Variants in PDE1A observed in about 807,000 individuals in gnomAD.
PDE1A encodes the protein dual specificity calcium/calmodulin-dependent 3',5'-cyclic nucleotide phosphodiesterase 1A.
A neutral mutation model predicts 61.7 loss-of-function variants in PDE1A; 35 were observed. The observed-to-expected ratio is 0.57, with a 90% CI of 0.43 to 0.75. PDE1A has a LOEUF of 0.75. PDE1A is among the 30% of genes least tolerant of loss of function. The pLI is 0.00. For missense variants in PDE1A, 597 were observed against 630.6 expected, an observed-to-expected ratio of 0.95 and a Z score of 0.57; for synonymous variants, 232 against 213.2, an observed-to-expected ratio of 1.09 and a Z score of -0.77.
chr2:182,224,075 T>C lies in PDE1A; in HGVS notation c.676-111A>G, dbSNP rs1423730133. On this transcript the variant is annotated intron_variant, in intron 6 of 13. Transcript: ENST00000351439. ...TTTATGTAATCATATAAAATTATTT[T>C]TCATTTCTTTTAATTTGTTTCCTAT... The C allele has an allele frequency of 4.5e-6, 3 of 661,182 alleles. No individual in the cohort carries two copies. The African/African-American group carries it at 5.8e-5, about 13-fold the overall frequency. The allele number at this position is 661,182 out of a possible 1,614,324, so 41.0% of individuals were successfully genotyped here.
chr2:182,160,820 C>A (rs1691339424), intron 13 of PDE1A, among the ~76,000 whole-genome samples: 1 of 152,102 alleles, frequency 6.6e-6, no homozygotes, highest in Non-Finnish European at 1.5e-5. Flanking sequence ...CCTGGAGAAC[C>A]CTAATACAGA....
At chr2:182,336,475 G>A (rs1366018873) in intron 1 of PDE1A, among the ~76,000 whole-genome samples, 1 of 152,116 alleles carries the variant, frequency 6.6e-6, no homozygotes, top group African/African-American at 2.4e-5. Flanking sequence ...GCAGGGACAT[G>A]GATGAAGCTG....
the PDE1A span, among the ~76,000 whole-genome samples, chr2:182,577,585 A>G: frequency 6.6e-6 from 1 of 152,314 alleles, no homozygotes; most frequent in East Asian, 1.9e-4. Flanking sequence ...CAAACATGAT[A>G]ATCAGGGAAT....
At chr2:182,319,803 T>C (rs1696584673) in intron 1 of PDE1A, among the ~76,000 whole-genome samples, 1 of 152,194 alleles carries the variant, frequency 6.6e-6, no homozygotes, top group Admixed American at 6.5e-5. Context: ...ATAAAGATGA[T>C]ACACATTATT....
intron 5 of PDE1A, among the ~76,000 whole-genome samples, chr2:182,230,591 AG>A (rs1689502985): frequency 6.6e-6 from 1 of 152,210 alleles, no homozygotes; most frequent in Non-Finnish European, 1.5e-5. Flanking sequence ...TCTGCTCAGT[AG>A]TCTGTATCAA....
intron 1 of PDE1A, among the ~76,000 whole-genome samples, chr2:182,333,104 G>T (rs1035387937): frequency 6.6e-6 from 1 of 152,114 alleles, no homozygotes; most frequent in East Asian, 1.9e-4. Context: ...CATACAAAGA[G>T]ATGTAAACTC....
rs1039427830 is a variant in PDE1A, at chr2:182,220,922, C to T, written c.776+2942G>A. On this transcript the variant is annotated intron_variant, in intron 7 of 13. Coordinates refer to ENST00000351439, the Ensembl canonical transcript of PDE1A. ...TTATATTGTTGCATTTTGGTCATTA[C>T]AACATTTTGGTTCATGGAATTTTCA... is the stretch of plus-strand genomic sequence containing the variant. Among the ~76,000 whole-genome samples the T allele has an allele frequency of 1.9e-4, 29 of 151,966 alleles. 1 individual carries two copies. The highest frequency in any genetic ancestry group is 6.8e-4 in the African/African-American group (28 of 41,390).
exon 14 of PDE1A, chr2:182,168,220 C>A: frequency 1.9e-6 from 3 of 1,570,738 alleles, no homozygotes; most frequent in African/African-American, 1.4e-5. Flanking sequence ...GAGCTGCCAC[C>A]ATGCACGAGG....
chr2:182,691,930 T>C, the PDE1A span, among the ~76,000 whole-genome samples: 1 of 151,982 alleles, frequency 6.6e-6, no homozygotes, highest in African/African-American at 2.4e-5. Flanking sequence ...AAAATGCTCA[T>C]CATCACTGGC....
the PDE1A span, among the ~76,000 whole-genome samples, chr2:182,711,317 T>A: frequency 6.6e-6 from 1 of 152,140 alleles, no homozygotes; most frequent in African/African-American, 2.4e-5. Context: ...CATTCAGTGA[T>A]AACGAGAACC....
chr2:182,304,752 C>A (rs1046571558), intron 1 of PDE1A, among the ~76,000 whole-genome samples: 1 of 152,106 alleles, frequency 6.6e-6, no homozygotes, highest in Non-Finnish European at 1.5e-5. Context: ...AGTTGGCCAT[C>A]TTATATGGCA....
chr2:182,523,513 A>G (rs751804692), upstream of PDE1A, among the ~76,000 whole-genome samples: 3 of 152,176 alleles, frequency 2.0e-5, no homozygotes, highest in Non-Finnish European at 4.4e-5. Context: ...TATAGAAAAT[A>G]TACTTATAAA....
chr2:182,397,337 T>C lies in PDE1A; in HGVS notation c.53+29241A>G, dbSNP rs1443638801. 3.3e-5 allele frequency among the ~76,000 whole-genome samples: 5 copies of C among 152,282 alleles called. No individual in the cohort carries two copies. In the East Asian group the frequency reaches 9.6e-4, roughly 29 times the overall value. ...CGAAAACAGTTCAATATTGGCAATT[T>C]CATATTGTTTAATCCTGTATGTCAT... is the stretch of plus-strand genomic sequence containing the variant. On this transcript the variant is annotated intron_variant, in intron 1 of 13. Transcript: ENST00000351439.
At chr2:182,351,260 T>A (rs1031784911) in intron 1 of PDE1A, among the ~76,000 whole-genome samples, 5 of 152,234 alleles carry the variant, frequency 3.3e-5, no homozygotes, top group African/African-American at 9.6e-5. Flanking sequence ...CCCAAAGTAG[T>A]CATCTAAATT....
intron 1 of PDE1A, among the ~76,000 whole-genome samples, chr2:182,402,915 A>G (rs752773576): frequency 2.2e-4 from 33 of 152,256 alleles, no homozygotes; most frequent in Non-Finnish European, 4.3e-4. Context: ...GCCAACAAAC[A>G]TGAAAAAAGT....
chr2:182,349,600 AAGTCATAGCCTTCT>A (rs1698736523), intron 1 of PDE1A, among the ~76,000 whole-genome samples: 2 of 152,142 alleles, frequency 1.3e-5, no homozygotes, highest in African/African-American at 4.8e-5. Context: ...TTCCTTCCCA[AAGTCATAGCCTTCT>A]AGACATGGTA....
At chr2:182,536,068 T>TG in the PDE1A span, among the ~76,000 whole-genome samples, 1 of 152,206 alleles carries the variant, frequency 6.6e-6, no homozygotes, top group East Asian at 1.9e-4. Context: ...AGCTACATTA[T>TG]GGCATTTGTA....
chr2:182,619,221 T>C, the PDE1A span, among the ~76,000 whole-genome samples: 1 of 152,130 alleles, frequency 6.6e-6, no homozygotes, highest in South Asian at 2.1e-4. Flanking sequence ...TTTGTTAGCT[T>C]TATTAATATG....
chr2:182,512,128 C>T (rs1046500584), intron 2 of PDE1A, among the ~76,000 whole-genome samples: 7 of 152,206 alleles, frequency 4.6e-5, no homozygotes, highest in Non-Finnish European at 8.8e-5. Flanking sequence ...CCGCCACTAT[C>T]GCACATGTGC....
Sources: allele counts gnomAD v4.1 joint callset (sites outside exome capture counted in the v4.1 genomes callset), GRCh38; gene constraint gnomAD v4.1.1; transcripts MANE v1.5; gene names NCBI Gene and HGNC (gene_info 2026-07-23, HGNC 2026-07-21).